Variants in AGAP1 observed in about 807,000 individuals in gnomAD.
The protein encoded by AGAP1 is ArfGAP with GTPase domain, ankyrin repeat and PH domain 1, also known as arf-GAP with GTPase, ANK repeat and PH domain-containing protein 1.
A neutral mutation model predicts 105.3 loss-of-function variants in AGAP1; 29 were observed. The observed-to-expected ratio is 0.28, with a 90% CI of 0.21 to 0.38. AGAP1 has a LOEUF of 0.38. Among genes scored for constraint, AGAP1 ranks in the 10% least tolerant of loss-of-function variants. The pLI is 1.00. For missense variants in AGAP1, 998 were observed against 1,165.1 expected (o/e 0.86, Z 2.09); for synonymous variants, 509 against 485.9 (o/e 1.05, Z -0.63).
chr2:235,797,141 A>C (rs1276614749), intron 6 of AGAP1, among the ~76,000 whole-genome samples: 1 of 152,174 alleles, frequency 6.6e-6, no homozygotes, highest in Non-Finnish European at 1.5e-5. Context: ...GGGAAAAAAA[A>C]AGATTTTTGT....
In AGAP1 at chr2:235,963,392, G is replaced by A. The variant is rs2054266165; in HGVS notation, c.1484-5070G>A. ...GGGATTCTGAATTCAGTTGTTAAAG[G>A]GCTGCTTTGTGTGCACATAGAAAAG... On this transcript the variant is annotated intron_variant, in intron 12 of 17. Transcript: ENST00000304032. This position sits in a 1 kb window ranked among gnomAD's most constrained non-coding sequence, Gnocchi z 5.1. Among the ~76,000 whole-genome samples, 1 of 152,158 alleles carries A rather than the reference G, an allele frequency of 6.6e-6. No individual in the cohort carries two copies. Among genetic ancestry groups the A allele is most frequent in the African/African-American group, 2.4e-5 (1 of 41,440 alleles).
chr2:235,869,414 C>T (rs1429209098), intron 9 of AGAP1, among the ~76,000 whole-genome samples: 1 of 85,956 alleles, frequency 1.2e-5, no homozygotes, highest in Non-Finnish European at 2.2e-5. Flanking sequence ...GAAACTCCAT[C>T]TCTACTAAAA....
intron 11 of AGAP1, among the ~76,000 whole-genome samples, chr2:235,923,521 C>T (rs1459251255): frequency 2.7e-5 from 4 of 146,454 alleles, no homozygotes; most frequent in African/African-American, 5.1e-5. Flanking sequence ...CCCCACCCCA[C>T]CCCACCCCAC....
chr2:235,727,799 G>A (rs1434306316), intron 3 of AGAP1, among the ~76,000 whole-genome samples: 2 of 152,120 alleles, frequency 1.3e-5, no homozygotes, highest in Non-Finnish European at 1.5e-5. Flanking sequence ...AGGCGTAGCA[G>A]TCCAGCAATC....
intron 12 of AGAP1, among the ~76,000 whole-genome samples, chr2:235,940,499 T>A (rs1022761654): frequency 6.6e-6 from 1 of 152,200 alleles, no homozygotes; most frequent in African/African-American, 2.4e-5. Flanking sequence ...GCGGCTTTGC[T>A]GAGATCTGGG....
At chr2:235,817,343 C>A (rs553821761) in intron 9 of AGAP1, among the ~76,000 whole-genome samples, 2 of 151,892 alleles carry the variant, frequency 1.3e-5, no homozygotes, top group Non-Finnish European at 2.9e-5. Context: ...AAGAAGGTGG[C>A]GGCTTAATAA....
intron 6 of AGAP1, among the ~76,000 whole-genome samples, chr2:235,782,575 A>G (rs1956332539): frequency 6.8e-6 from 1 of 146,294 alleles, no homozygotes; most frequent in Non-Finnish European, 1.5e-5. Flanking sequence ...CTTTTTGTCT[A>G]TGCTTGTTGT....
chr2:235,773,820 C>G (rs1012561339), intron 6 of AGAP1: 3 of 405,298 alleles, frequency 7.4e-6, no homozygotes, highest in Non-Finnish European at 4.9e-6. Context: ...CTTTGTTTTC[C>G]TTTACTGTCC....
intron 10 of AGAP1, among the ~76,000 whole-genome samples, chr2:235,899,505 C>G (rs182143023): frequency 1.3e-5 from 2 of 152,182 alleles, no homozygotes; most frequent in African/African-American, 4.8e-5. Context: ...AAGAGCGAAA[C>G]TGTGTCTTAA....
At chr2:235,871,200 C>T (rs2049419986) in intron 9 of AGAP1, among the ~76,000 whole-genome samples, 1 of 152,202 alleles carries the variant, frequency 6.6e-6, no homozygotes, top group South Asian at 2.1e-4. Context: ...TTTCTGCTGT[C>T]AGGAGAAGCT....
chr2:235,783,176 A>C, intron 6 of AGAP1: 1 of 341,350 alleles, frequency 2.9e-6, no homozygotes, highest in Non-Finnish European at 5.8e-6. Context: ...CCAAAGACAA[A>C]GTGTTTCTCA....
At chr2:235,803,052 G>A (rs867409140) in intron 8 of AGAP1, among the ~76,000 whole-genome samples, 1 of 1,464 alleles carries the variant, frequency 6.8e-4, no homozygotes, top group Middle Eastern at 0.17. Flanking sequence ...GATGGTTGTG[G>A]TGATGGTGGT....
chr2:235,999,881 G>C (rs776946808), intron 13 of AGAP1, among the ~76,000 whole-genome samples: 5 of 152,088 alleles, frequency 3.3e-5, no homozygotes, highest in Non-Finnish European at 2.9e-5. Context: ...CATTAAACTT[G>C]TAAGTCACGA....
At position 235,739,400 on chromosome 2, in the gene AGAP1, G is replaced by A. The variant is rs138877841; in HGVS notation, c.311-1563G>A. ...GGGACCCTGAGTCTTTGGGACCCTC[G>A]TGCAGCTGGGGCTCACCCTGTCTGG... On this transcript the variant is annotated intron_variant, in intron 3 of 17. Transcript: ENST00000304032. The surrounding 1 kb of genome is among the most constrained non-coding windows in gnomAD (Gnocchi z 5.3). 2.8e-4 allele frequency among the ~76,000 whole-genome samples: 42 copies of A among 152,312 alleles called. No homozygotes were observed. Among genetic ancestry groups the A allele is most frequent in the African/African-American group, 9.6e-4 (40 of 41,554 alleles).
At chr2:235,844,715 C>T (rs1358508680) in intron 9 of AGAP1, among the ~76,000 whole-genome samples, 1 of 152,170 alleles carries the variant, frequency 6.6e-6, no homozygotes, top group Non-Finnish European at 1.5e-5. Flanking sequence ...GTGGCCTCCT[C>T]TCCGAACCTG....
Position 235,999,150 on chromosome 2 carries a change from AGGT to A in AGAP1, c.1645+30538_1645+30540del, listed in dbSNP as rs530380427. On this transcript the variant is annotated intron_variant, in intron 13 of 17. Transcript: ENST00000304032. Reference sequence around the variant, plus strand: ...TAGTGATTGTGGTGACGATGGTGAGAGGTGGTGGTGGTGATGATGATGATAATG... The same window carrying A: ...TAGTGATTGTGGTGACGATGGTGAGAGGTGGTGGTGATGATGATGATAATG... Among the ~76,000 whole-genome samples the A allele has an allele frequency of 4.1e-4, 48 of 118,134 alleles. 1 individual carries two copies. The highest frequency in any genetic ancestry group is 6.4e-4 in the South Asian group (2 of 3,104). The allele number at this position is 118,134 out of a possible 152,430, so 77.5% of individuals were successfully genotyped here. A position where few individuals can be genotyped will look rare whatever the true frequency, so the allele number is the denominator to read the frequency against.
chr2:235,946,911 T>C (rs1490128158), intron 12 of AGAP1, among the ~76,000 whole-genome samples: 1 of 152,190 alleles, frequency 6.6e-6, no homozygotes, highest in Non-Finnish European at 1.5e-5. Flanking sequence ...GTGAGGCCTT[T>C]CTGACCCCAG....
intron 1 of AGAP1, among the ~76,000 whole-genome samples, chr2:235,617,705 C>G (rs577389121): frequency 6.6e-6 from 1 of 152,296 alleles, no homozygotes; most frequent in South Asian, 2.1e-4. Context: ...CCATCTCAAA[C>G]AAACAAAAGA....
chr2:235,507,907 A>G (rs1941894569), intron 1 of AGAP1, among the ~76,000 whole-genome samples: 1 of 152,150 alleles, frequency 6.6e-6, no homozygotes, highest in African/African-American at 2.4e-5. Context: ...TACAACGCAT[A>G]GTAAGTACAG....
Sources: allele counts gnomAD v4.1 joint callset (sites outside exome capture counted in the v4.1 genomes callset), GRCh38; gene constraint gnomAD v4.1.1; non-coding constraint Gnocchi (gnomAD v3.1); transcripts MANE v1.5; gene names NCBI Gene and HGNC (gene_info 2026-07-23, HGNC 2026-07-21).